The following ZNF250 variants were observed in gnomAD, a reference collection of about 807,000 sequenced individuals.
The protein encoded by ZNF250 is zinc finger protein 250.
ZNF250 carries 13 observed loss-of-function variants against 37.1 expected under a neutral mutation model. The ratio of observed to expected loss-of-function variants is 0.35; its 90% CI spans 0.23 to 0.56. ZNF250 has a LOEUF of 0.56. ZNF250 is among the 20% of genes least tolerant of loss of function. The probability of loss-of-function intolerance (pLI) is 0.87; values close to 1 mark genes in which losing one functional copy is unlikely to be tolerated. For synonymous variants in ZNF250, 251 were observed against 265.6 expected, an observed-to-expected ratio of 0.94 and a Z score of 0.54; for missense variants, 474 against 697.9, an observed-to-expected ratio of 0.68 and a Z score of 3.61.
rs1586887824 is a variant in ZNF250 at position 144,882,202 on chromosome 8, T to C, written c.981A>G (p.Val327=). Residue 327 remains valine (V), a synonymous_variant, in exon 6 of 6, where the codon GTA becomes GTG. Coordinates refer to ENST00000417550, the MANE Select transcript of ZNF250 (RefSeq NM_001109689.4). This position sits in a 1 kb window ranked among gnomAD's most constrained non-coding sequence, Gnocchi z 5.5. The part of the protein sequence containing the change: ...HSTVLRSHQR[V]HTGEKPHRCN... ...ACCTGTGAGGCTTCTCCCCAGTGTGTACCCTCTGGTGGCTCCGCAGAACAG... is the reference window on the plus strand; with the variant it reads ...ACCTGTGAGGCTTCTCCCCAGTGTGCACCCTCTGGTGGCTCCGCAGAACAG... 1 of 1,614,022 alleles carries C rather than the reference T, an allele frequency of 6.2e-7. No individual in the cohort carries two copies.
intron 3 of ZNF250, 74 bp downstream of exon 3, chr8:144,889,859 G>T (rs566062563): frequency 3.3e-6 from 5 of 1,524,860 alleles, no homozygotes; most frequent in Non-Finnish European, 4.4e-6. Context: ...CCTGTCCCAG[G>T]CCCCGTACCC....
rs1209939700 is a variant in ZNF250, at chr8:144,877,654, G to A, written c.*3861C>T. On this transcript the variant is annotated 3_prime_UTR_variant, in exon 6 of 6. Transcript: ENST00000417550. The stretch of plus-strand genomic sequence containing the variant: ...CCTCCTCAGAAAGAAGGGCATTGAA[G>A]CCCACTTCCTGGCTCCGTGGACACC... 1 of 152,202 alleles carries A rather than the reference G, an allele frequency of 6.6e-6. No homozygotes were observed. The highest frequency in any genetic ancestry group is 1.5e-5 in the Non-Finnish European group (1 of 68,050). The allele number at this position is 152,202 out of a possible 1,614,324, so 9.4% of individuals were successfully genotyped here.
At position 144,901,338 on chromosome 8, in the gene ZNF250, G is replaced by A. The variant is rs952208996; in HGVS notation, c.-55+61C>T. The A allele has an allele frequency of 8.5e-5, 13 of 152,270 alleles. No individual in the cohort carries two copies. Among genetic ancestry groups the A allele is most frequent in the African/African-American group, 2.4e-4 (10 of 41,434 alleles). The allele number at this position is 152,270 out of a possible 1,614,324, so 9.4% of individuals were successfully genotyped here. ...CCACGATTCGTGTGGAGGACGCACC[G>A]GCTCCGGTGTCCGTGATGGGAGAGG... On this transcript the variant is annotated intron_variant, in intron 1 of 5. Transcript: ENST00000417550. This position sits in a 1 kb window ranked among gnomAD's most constrained non-coding sequence, Gnocchi z 5.4.
intron 5 of ZNF250, among the ~76,000 whole-genome samples, chr8:144,886,319 G>A (rs1586899102): frequency 6.6e-6 from 1 of 152,014 alleles, no homozygotes; most frequent in East Asian, 1.9e-4. Context: ...CTGCACTCCA[G>A]CCTGAAAAAA....
chr8:144,896,465 G>A (rs773546623), intron 1 of ZNF250, among the ~76,000 whole-genome samples: 4 of 152,110 alleles, frequency 2.6e-5, no homozygotes, highest in Admixed American at 2.0e-4. Flanking sequence ...AAAGGTTTCA[G>A]TTTCCTGGAA....
chr8:144,901,754 C>G (rs551641053), upstream of ZNF250: 3 of 152,964 alleles, frequency 2.0e-5, no homozygotes, highest in East Asian at 5.8e-4. This position sits in a 1 kb window ranked among gnomAD's most constrained non-coding sequence, Gnocchi z 5.4. Flanking sequence ...CTTACCCGCT[C>G]GCAGTCCCGG....
rs1833075901 is a variant in ZNF250 at position 144,901,140 on chromosome 8, G to C, written c.-55+259C>G. Among the ~76,000 whole-genome samples the C allele has an allele frequency of 6.6e-6, 1 of 151,906 alleles. No homozygotes were observed. The highest frequency in any genetic ancestry group is 2.4e-5 in the African/African-American group (1 of 41,378). On this transcript the variant is annotated intron_variant, in intron 1 of 5. Transcript: ENST00000417550. This position sits in a 1 kb window ranked among gnomAD's most constrained non-coding sequence, Gnocchi z 5.4. ...GGAAGGGACCGAGGCCGTCCGAGGC[G>C]GACGGGGGTGCGGGAGGGCCTGAGG...
intron 1 of ZNF250, among the ~76,000 whole-genome samples, chr8:144,900,170 A>G (rs564167322): frequency 1.3e-5 from 2 of 152,368 alleles, no homozygotes; most frequent in African/African-American, 4.8e-5. Flanking sequence ...CCTGGCAGGA[A>G]TGCAGTGACC....
intron 1 of ZNF250, among the ~76,000 whole-genome samples, chr8:144,895,455 C>T (rs1250190417): frequency 6.6e-6 from 1 of 152,136 alleles, no homozygotes; most frequent in Non-Finnish European, 1.5e-5. Context: ...CCTCTGAAGG[C>T]CTGGAGATCA....
At chr8:144,889,904 C>A in intron 3 of ZNF250, 29 bp downstream of exon 3, 1 of 1,576,260 alleles carries the variant, frequency 6.3e-7, no homozygotes. Flanking sequence ...TACGCAGATA[C>A]ATAGACGAGG....
chr8:144,886,095 TAAA>T (rs34422407), intron 5 of ZNF250, among the ~76,000 whole-genome samples: 4 of 116,780 alleles, frequency 3.4e-5, no homozygotes, highest in Non-Finnish European at 5.4e-5. Context: ...AGAGCCTGTC[TAAA>T]AAAAAAAAAA....
At chr8:144,885,475 T>C (rs1831806915) in intron 5 of ZNF250, among the ~76,000 whole-genome samples, 2 of 151,932 alleles carry the variant, frequency 1.3e-5, no homozygotes, top group Admixed American at 6.6e-5. Context: ...CTATGTGGGT[T>C]TTTTTTTGAG....
At position 144,881,620 on chromosome 8, in the gene ZNF250, C is replaced by T. The variant is rs1388612107; in HGVS notation, c.1563G>A (p.Gln521=). ...FSQYSVLIQH[Q]RIHTGEKPYE... is the part of the protein sequence containing the mutation. ...AGGGCTTCTCGCCTGTGTGGATCCG[C>T]TGGTGCTGGATGAGCACTGAGTACT... The change falls in exon 6 of 6, where the codon CAG becomes CAA. Residue 521 remains glutamine, a synonymous_variant. Transcript: ENST00000417550. The T allele has an allele frequency of 6.2e-7, 1 of 1,613,766 alleles. No individual in the cohort carries two copies. Among genetic ancestry groups the T allele is most frequent in the East Asian group, 2.2e-5 (1 of 44,838 alleles).
chr8:144,884,279 T>TCTTA (rs1831711418), intron 5 of ZNF250, among the ~76,000 whole-genome samples: 2 of 152,128 alleles, frequency 1.3e-5, no homozygotes, highest in South Asian at 4.1e-4. Context: ...AGAGACGGAG[T>TCTTA]CTTACCCTGT....
At position 144,881,810 on chromosome 8, in the gene ZNF250, C is replaced by T. The variant is rs780154301; in HGVS notation, c.1373G>A (p.Arg458His). ...CGECGHAFSA[R>H]RSLIQHERIH... ...TCTCTCATGCTGGATCAGAGACCGG[C>T]GTGCACTGAAGGCGTGCCCACATTC... Residue 458 changes from arginine to histidine, a missense_variant, in exon 6 of 6, where the codon CGC (arginine) becomes CAC (histidine). Coordinates refer to ENST00000417550, the MANE Select transcript of ZNF250 (RefSeq NM_001109689.4). 2.2e-5 allele frequency: 36 copies of T among 1,613,948 alleles called. No individual in the cohort carries two copies. The highest frequency in any genetic ancestry group is 3.3e-5 in the Admixed American group (2 of 59,998).
intron 4 of ZNF250, among the ~76,000 whole-genome samples, chr8:144,887,746 A>C (rs1831997598): frequency 6.6e-6 from 1 of 152,214 alleles, no homozygotes; most frequent in African/African-American, 2.4e-5. Flanking sequence ...CTACAGCTGC[A>C]GTCAGTAAGC....
intron 5 of ZNF250, among the ~76,000 whole-genome samples, chr8:144,883,342 CTT>C (rs538221806): frequency 1.2e-4 from 17 of 140,838 alleles, no homozygotes; most frequent in East Asian, 2.1e-4. Context: ...AAAATAATTT[CTT>C]TTTTTTTTTT....
At chr8:144,898,301 G>GA (rs1420544825) in intron 1 of ZNF250, among the ~76,000 whole-genome samples, 1 of 150,366 alleles carries the variant, frequency 6.7e-6, no homozygotes, top group Non-Finnish European at 1.5e-5. Context: ...CATCTCAAAA[G>GA]AAAAAAAGCA....
chr8:144,893,703 TTC>T (rs1832513565), intron 1 of ZNF250, among the ~76,000 whole-genome samples: 1 of 152,146 alleles, frequency 6.6e-6, no homozygotes, highest in Admixed American at 6.5e-5. Context: ...TGGATGGTCA[TTC>T]TCTCTACGGA....
Sources: gnomAD v4.1 joint callset for allele counts (sites outside exome capture counted in the v4.1 genomes callset) on GRCh38, gnomAD v4.1.1 for gene constraint, Gnocchi (gnomAD v3.1) non-coding constraint, MANE v1.5 for transcripts, NCBI Gene and HGNC (gene_info 2026-07-23, HGNC 2026-07-21) for gene names.